The following UGGT2 variants were observed in gnomAD, a reference collection of about 807,000 sequenced individuals.
The protein encoded by UGGT2 is UDP-glucose:glycoprotein glucosyltransferase 2.
A neutral mutation model predicts 192.1 loss-of-function variants in UGGT2; 180 were observed. The observed-to-expected ratio is 0.94, with a 90% CI of 0.83 to 1.06. UGGT2 has a LOEUF of 1.06. UGGT2 is among the 50% of genes least tolerant of loss of function. The probability of loss-of-function intolerance (pLI) is 0.00; values close to 1 mark genes in which losing one functional copy is unlikely to be tolerated. For missense variants in UGGT2, 1,849 were observed against 1,795.7 expected (o/e 1.03, Z -0.54); for synonymous variants, 580 against 591.0 (o/e 0.98, Z 0.27).
At chr13:95,818,470 CAG>C (rs1171144160) in intron 38 of UGGT2, among the ~76,000 whole-genome samples, 2 of 152,006 alleles carry the variant, frequency 1.3e-5, no homozygotes, top group African/African-American at 4.8e-5. Flanking sequence ...AACTAAGAAA[CAG>C]AAAACCTGCA....
chr13:95,913,173 C>T (rs1005947670), intron 20 of UGGT2, among the ~76,000 whole-genome samples: 1 of 152,170 alleles, frequency 6.6e-6, no homozygotes, highest in Admixed American at 6.5e-5. Context: ...AGGACATAGG[C>T]ATGGTCAAGG....
chr13:95,910,493 G>C (rs779454301), intron 20 of UGGT2, among the ~76,000 whole-genome samples: 1 of 152,122 alleles, frequency 6.6e-6, no homozygotes, highest in South Asian at 2.1e-4. Context: ...AGACAAAAAA[G>C]GCCAGTACAT....
intron 10 of UGGT2, among the ~76,000 whole-genome samples, chr13:95,978,912 T>G (rs754334963): frequency 6.6e-6 from 1 of 152,212 alleles, no homozygotes; most frequent in Non-Finnish European, 1.5e-5. Flanking sequence ...TCACACAAAG[T>G]AGTTAGAAAT....
chr13:95,823,541 G>A (rs1326071705), intron 38 of UGGT2, among the ~76,000 whole-genome samples: 1 of 151,940 alleles, frequency 6.6e-6, no homozygotes, highest in African/African-American at 2.4e-5. Context: ...CACTGCTGAT[G>A]CCTTAAAGTC....
chr13:95,801,888 G>A, intron 38 of UGGT2, 76 bp from the exon 39 acceptor site: 3 of 1,553,632 alleles, frequency 1.9e-6, no homozygotes, highest in East Asian at 2.3e-5. Context: ...TACATATGAT[G>A]AGGAAGCACC....
chr13:95,835,575 T>C (rs1887191325), intron 37 of UGGT2, among the ~76,000 whole-genome samples: 1 of 152,244 alleles, frequency 6.6e-6, no homozygotes, highest in Non-Finnish European at 1.5e-5. Context: ...TTAAAATATG[T>C]ATTTCTATAC....
chr13:95,835,765 T>C (rs1049574586), intron 37 of UGGT2, among the ~76,000 whole-genome samples: 1 of 152,200 alleles, frequency 6.6e-6, no homozygotes, highest in Non-Finnish European at 1.5e-5. Flanking sequence ...GACAAGGTAG[T>C]AGTGGAATAT....
chr13:95,886,222 C>T (rs1202762471), intron 26 of UGGT2, among the ~76,000 whole-genome samples: 1 of 152,126 alleles, frequency 6.6e-6, no homozygotes, highest in Non-Finnish European at 1.5e-5. Flanking sequence ...TGAGGGGATT[C>T]CTGCCCTTAA....
chr13:95,995,097 T>C (rs1345592414), intron 7 of UGGT2, among the ~76,000 whole-genome samples: 2 of 152,172 alleles, frequency 1.3e-5, no homozygotes, highest in African/African-American at 4.8e-5. Flanking sequence ...AAGATTAATA[T>C]GAAAATAAAC....
chr13:95,967,041 C>A (rs2050602541), intron 12 of UGGT2, among the ~76,000 whole-genome samples: 1 of 152,126 alleles, frequency 6.6e-6, no homozygotes, highest in Non-Finnish European at 1.5e-5. Flanking sequence ...TAGTGATAAT[C>A]ATATCTTTGG....
rs770871600 is a variant in UGGT2 at position 95,927,025 on chromosome 13, T to G, written c.2200+3A>C. The G allele has an allele frequency of 6.3e-7, 1 of 1,595,310 alleles. No homozygotes were observed. ...ATTCAGGTAAATAAAATATGCTTAT[T>G]ACCGTCTTGGGTTAAATAATACATG... On this transcript the variant is annotated splice_donor_region_variant and intron_variant, in intron 19 of 38. Coordinates refer to ENST00000376747, the MANE Select transcript of UGGT2 (RefSeq NM_020121.4).
chr13:95,804,538 T>G (rs558899583), intron 38 of UGGT2, among the ~76,000 whole-genome samples: 79 of 152,322 alleles, frequency 5.2e-4, no homozygotes, highest in African/African-American at 1.9e-3. Context: ...TCACATTTCC[T>G]GATTTTATAA....
intron 9 of UGGT2, chr13:95,984,885 G>A (rs1318056869): frequency 6.5e-6 from 1 of 152,852 alleles, no homozygotes; most frequent in African/African-American, 2.4e-5. Context: ...GCAGCATTGT[G>A]AGAAATTACA....
At chr13:95,938,280 G>A (rs772075952) in intron 16 of UGGT2, among the ~76,000 whole-genome samples, 1 of 152,070 alleles carries the variant, frequency 6.6e-6, no homozygotes, top group African/African-American at 2.4e-5. Context: ...GTTAGAGAGG[G>A]GTGTAGGCAG....
At chr13:95,858,574 C>T (rs181724961) in intron 33 of UGGT2, among the ~76,000 whole-genome samples, 19 of 152,266 alleles carry the variant, frequency 1.2e-4, no homozygotes, top group African/African-American at 4.1e-4. Flanking sequence ...TAACGGGATT[C>T]TACTGGGAGA....
rs59685940 is a variant in UGGT2 at position 95,857,591 on chromosome 13, C to T, written c.3826-1251G>A. ...GTAGGAACAAATCTAAAGTAGCTAG[C>T]GGCTTCTGTATCTGGCTGCTGATTT... On this transcript the variant is annotated intron_variant, in intron 33 of 38. Coordinates refer to ENST00000376747, the MANE Select transcript of UGGT2 (RefSeq NM_020121.4). Among the ~76,000 whole-genome samples the T allele has an allele frequency of 3.9e-5, 6 of 152,136 alleles. No homozygotes were observed. The East Asian group carries it at 7.7e-4, about 20-fold the overall frequency.
At chr13:95,887,142 G>A (rs948735691) in intron 26 of UGGT2, 1 of 292,332 alleles carries the variant, frequency 3.4e-6, no homozygotes, top group Non-Finnish European at 7.1e-6. Flanking sequence ...AAGTAAACAA[G>A]GAATGAACAG....
chr13:95,854,270 A>G, intron 35 of UGGT2, 45 bp downstream of exon 35: 1 of 1,563,956 alleles, frequency 6.4e-7, no homozygotes, highest in South Asian at 1.2e-5. Flanking sequence ...TTGCAATTCA[A>G]TACATTACTT....
intron 1 of UGGT2, among the ~76,000 whole-genome samples, chr13:96,038,486 T>C (rs1302232582): frequency 1.3e-5 from 2 of 152,220 alleles, no homozygotes; most frequent in African/African-American, 4.8e-5. Context: ...GATATATTAC[T>C]ATCCTAGGGC....
Sources: gnomAD v4.1 joint callset for allele counts (sites outside exome capture counted in the v4.1 genomes callset) on GRCh38, gnomAD v4.1.1 for gene constraint, MANE v1.5 for transcripts, NCBI Gene and HGNC (gene_info 2026-07-23, HGNC 2026-07-21) for gene names.